The following ATXN1 variants were observed in gnomAD, a reference collection of about 807,000 sequenced individuals.
ATXN1 encodes the protein ataxin-1.
ATXN1 carries 8 observed loss-of-function variants against 56.4 expected under a neutral mutation model. The observed-to-expected ratio is 0.14, with a 90% CI of 0.08 to 0.26. The LOEUF (loss-of-function observed/expected upper bound fraction) is 0.26, where lower values mean the gene tolerates loss of function less well. ATXN1 is among the 10% of genes least tolerant of loss of function. ATXN1 has a pLI of 1.00. For synonymous variants in ATXN1, 514 were observed against 494.6 expected, an observed-to-expected ratio of 1.04 and a Z score of -0.52; for missense variants, 987 against 1,106.5, an observed-to-expected ratio of 0.89 and a Z score of 1.53.
chr6:16,489,011 C>T (rs750193044), intron 5 of ATXN1, among the ~76,000 whole-genome samples: 4 of 152,138 alleles, frequency 2.6e-5, no homozygotes, highest in Non-Finnish European at 5.9e-5. Flanking sequence ...TGACACAATG[C>T]CAATTTCTCC....
intron 5 of ATXN1, among the ~76,000 whole-genome samples, chr6:16,491,474 C>T (rs1229780647): frequency 6.6e-6 from 1 of 151,646 alleles, no homozygotes; most frequent in Non-Finnish European, 1.5e-5. Flanking sequence ...TTAGTAGAGA[C>T]AGGGTTTCAC....
rs539513572 is a variant in ATXN1, at chr6:16,320,673, T to C, written c.1917+5721A>G. Among the ~76,000 whole-genome samples, 29 of 152,332 alleles carry C rather than the reference T, an allele frequency of 1.9e-4. No individual in the cohort carries two copies. The East Asian group carries it at 5.2e-3, about 27-fold the overall frequency. On this transcript the variant is annotated intron_variant, in intron 7 of 7. Transcript: ENST00000436367. The stretch of plus-strand genomic sequence containing the variant: ...AGCGGGCACGTCACTAACAGCCTCT[T>C]GCAGAAGAGGAGCCTGGGAGCCCTT...
At chr6:16,682,732 A>G (rs1758840012) in intron 2 of ATXN1, among the ~76,000 whole-genome samples, 1 of 152,194 alleles carries the variant, frequency 6.6e-6, no homozygotes, top group Admixed American at 6.5e-5. Context: ...GCAGGAAAAC[A>G]AGAAATAAGG....
intron 4 of ATXN1, among the ~76,000 whole-genome samples, chr6:16,565,693 T>C (rs1762204341): frequency 6.6e-6 from 1 of 152,182 alleles, no homozygotes; most frequent in Admixed American, 6.5e-5. Context: ...AGGAATCAAA[T>C]GAAAACATTG....
At chr6:16,601,061 G>A (rs573844696) in intron 3 of ATXN1, among the ~76,000 whole-genome samples, 6 of 152,222 alleles carry the variant, frequency 3.9e-5, no homozygotes, top group African/African-American at 1.4e-4. Flanking sequence ...AAATTATACG[G>A]GTAGTCAAAA....
rs1227056361 is a variant in ATXN1 at position 16,326,691 on chromosome 6, G to A, written c.1620C>T (p.Thr540=). Residue 540 remains threonine, a synonymous_variant, in exon 7 of 8, where the codon ACC becomes ACT. Transcript: ENST00000436367. The surrounding 1 kb of genome is among the most constrained non-coding windows in gnomAD (Gnocchi z 6.6). ...GCACCATGGCTGGGTAGGCGGCCTG[G>A]GTGACCAGGGCCTCAGGGTTGAAGT... The part of the protein sequence containing the change: ...SENFNPEALV[T]QAAYPAMVQA... 2 of 1,613,298 alleles carry A rather than the reference G, an allele frequency of 1.2e-6. No individual in the cohort carries two copies. The highest frequency in any genetic ancestry group is 1.7e-6 in the Non-Finnish European group (2 of 1,180,010).
At chr6:16,504,858 T>C (rs9370897) in intron 5 of ATXN1, among the ~76,000 whole-genome samples, 21,758 of 152,116 alleles carry the variant, frequency 0.14, 2,008 homozygotes, top group East Asian at 0.33. Flanking sequence ...CTCTCTGACC[T>C]TCTTACGAGG....
intron 6 of ATXN1, among the ~76,000 whole-genome samples, chr6:16,412,943 T>C (rs532004888): frequency 6.6e-6 from 1 of 152,304 alleles, no homozygotes; most frequent in Admixed American, 6.5e-5. Context: ...ATCATCAAAG[T>C]GGATGAGGGC....
At chr6:16,336,492 C>T (rs965317613) in intron 6 of ATXN1, among the ~76,000 whole-genome samples, 1 of 152,122 alleles carries the variant, frequency 6.6e-6, no homozygotes, top group African/African-American at 2.4e-5. Context: ...AAGCAGGGGA[C>T]CTCAGGCTCA....
chr6:16,537,738 A>G (rs1159915809), intron 4 of ATXN1, among the ~76,000 whole-genome samples: 1 of 152,002 alleles, frequency 6.6e-6, no homozygotes, highest in Non-Finnish European at 1.5e-5. Flanking sequence ...AAAGAAAAAA[A>G]AAAAGAAATG....
At chr6:16,607,565 G>A (rs1369377231) in intron 3 of ATXN1, among the ~76,000 whole-genome samples, 1 of 152,176 alleles carries the variant, frequency 6.6e-6, no homozygotes, top group Admixed American at 6.6e-5. Context: ...AATCCAAAGG[G>A]AAGTTCTAAG....
intron 3 of ATXN1, among the ~76,000 whole-genome samples, chr6:16,646,853 T>G (rs1345394365): frequency 6.6e-6 from 1 of 152,190 alleles, no homozygotes; most frequent in Non-Finnish European, 1.5e-5. Flanking sequence ...ACCAAGTTTG[T>G]AGGAAGGCAT....
intron 3 of ATXN1, among the ~76,000 whole-genome samples, chr6:16,613,057 A>C (rs1248859043): frequency 6.6e-6 from 1 of 150,592 alleles, no homozygotes; most frequent in African/African-American, 2.4e-5. Flanking sequence ...TGAGGTCAGG[A>C]GATCGAGACC....
At chr6:16,384,962 A>T (rs982619796) in intron 6 of ATXN1, among the ~76,000 whole-genome samples, 1 of 152,264 alleles carries the variant, frequency 6.6e-6, no homozygotes, top group Non-Finnish European at 1.5e-5. Context: ...TAAAAATCTT[A>T]CATATGAGTT....
chr6:16,630,520 A>G (rs776278422), intron 3 of ATXN1, among the ~76,000 whole-genome samples: 1 of 152,226 alleles, frequency 6.6e-6, no homozygotes, highest in African/African-American at 2.4e-5. Flanking sequence ...GACCACTCCA[A>G]TGCATTGATG....
At position 16,304,582 on chromosome 6, in the gene ATXN1, G is replaced by A. The variant is rs532298670; in HGVS notation, c.*1747C>T. 1 of 152,686 alleles carries A rather than the reference G, an allele frequency of 6.5e-6. No homozygotes were observed. Among genetic ancestry groups the A allele is most frequent in the South Asian group, 2.1e-4 (1 of 4,824 alleles). 9.5% of individuals were successfully genotyped at this position (152,686 alleles called of 1,614,324 possible). On this transcript the variant is annotated 3_prime_UTR_variant, in exon 8 of 8. Transcript: ENST00000436367. Reference sequence around the variant, plus strand: ...AAGAAAATTCTCAGAGTTTCTAAGAGCCCGCTAAGACCTGGCTTTTTGTGA... The same window carrying A: ...AAGAAAATTCTCAGAGTTTCTAAGAACCCGCTAAGACCTGGCTTTTTGTGA...
At chr6:16,759,351 T>C (rs1167128309) in intron 1 of ATXN1, among the ~76,000 whole-genome samples, 3 of 152,348 alleles carry the variant, frequency 2.0e-5, no homozygotes, top group Non-Finnish European at 4.4e-5. Context: ...GTGGGTGTAA[T>C]AGGGTCTTCT....
intron 6 of ATXN1, among the ~76,000 whole-genome samples, chr6:16,428,779 C>T (rs936167576): frequency 6.6e-6 from 1 of 152,124 alleles, no homozygotes; most frequent in Non-Finnish European, 1.5e-5. Context: ...CAACTCACTA[C>T]ACATCACCAG....
chr6:16,662,779 C>T (rs1758345727), intron 2 of ATXN1, among the ~76,000 whole-genome samples: 1 of 152,136 alleles, frequency 6.6e-6, no homozygotes, highest in Non-Finnish European at 1.5e-5. Flanking sequence ...TATGGTTCTT[C>T]CATTTCAGTC....
Sources: gnomAD v4.1 joint callset for allele counts (sites outside exome capture counted in the v4.1 genomes callset) on GRCh38, gnomAD v4.1.1 for gene constraint, Gnocchi (gnomAD v3.1) non-coding constraint, MANE v1.5 for transcripts, NCBI Gene and HGNC (gene_info 2026-07-23, HGNC 2026-07-21) for gene names.